Variants in CCDC43 observed in about 807,000 individuals in gnomAD.
CCDC43 encodes coiled-coil domain containing 43, also known as coiled-coil domain-containing protein 43.
In CCDC43, 20 loss-of-function variants were observed where a neutral mutation model predicts 33.3. That is an observed-to-expected ratio of 0.60 (90% CI 0.42 to 0.87). CCDC43 has a LOEUF of 0.87. CCDC43 is among the 40% of genes least tolerant of loss of function. CCDC43 has a pLI of 0.00. For synonymous variants in CCDC43, 104 were observed against 106.5 expected, an observed-to-expected ratio of 0.98 and a Z score of 0.14; for missense variants, 248 against 269.9, an observed-to-expected ratio of 0.92 and a Z score of 0.57.
intron 4 of CCDC43, among the ~76,000 whole-genome samples, chr17:44,679,712 G>A (rs1183734327): frequency 6.6e-6 from 1 of 152,014 alleles, no homozygotes; most frequent in Non-Finnish European, 1.5e-5. Flanking sequence ...GCTAACAGGT[G>A]AAACCCCGTC....
At chr17:44,679,628 C>T (rs1199725012) in intron 4 of CCDC43, among the ~76,000 whole-genome samples, 1 of 152,192 alleles carries the variant, frequency 6.6e-6, no homozygotes, top group Non-Finnish European at 1.5e-5. Flanking sequence ...GGCGCAGTGG[C>T]TCATGCCTGT....
intron 2 of CCDC43, among the ~76,000 whole-genome samples, chr17:44,683,180 G>T (rs983212991): frequency 1.3e-5 from 2 of 152,066 alleles, no homozygotes; most frequent in Non-Finnish European, 2.9e-5. Flanking sequence ...CATTTTAAAG[G>T]GTAAAGTGTT....
At chr17:44,685,724 C>T (rs902906483) in intron 1 of CCDC43, among the ~76,000 whole-genome samples, 5 of 152,170 alleles carry the variant, frequency 3.3e-5, no homozygotes, top group African/African-American at 1.2e-4. Flanking sequence ...AAGCATTTAC[C>T]ATGTGCCAGG....
In CCDC43 at chr17:44,682,045, G is replaced by A. The variant is rs1203880235; in HGVS notation, c.386C>T (p.Ala129Val). 6.2e-7 allele frequency: 1 copy of A among 1,613,930 alleles called. No homozygotes were observed. The highest frequency in any genetic ancestry group is 1.3e-5 in the African/African-American group (1 of 74,930). ...ATCAGCATACTGGGCCAGGAGGGCA[G>A]CTTTTCTCTGCTTCTCCTCTTCTGA... is the stretch of plus-strand genomic sequence containing the variant. ...MVSEEEKQRK[A>V]ALLAQYADVT... is the part of the protein sequence containing the mutation. The change falls in exon 3 of 5, where the codon GCT (alanine) becomes GTT (valine). Residue 129 changes from alanine (A) to valine (V), a missense_variant. Transcript: ENST00000315286.
At chr17:44,683,345 T>C (rs1406833894) in intron 2 of CCDC43, among the ~76,000 whole-genome samples, 2 of 151,934 alleles carry the variant, frequency 1.3e-5, no homozygotes, top group African/African-American at 4.8e-5. Context: ...CTGGTCAACA[T>C]GGTGAAATCC....
At chr17:44,684,328 G>A (rs1479329121) in intron 1 of CCDC43, among the ~76,000 whole-genome samples, 1 of 152,098 alleles carries the variant, frequency 6.6e-6, no homozygotes, top group Non-Finnish European at 1.5e-5. Context: ...CTCAATATAT[G>A]TTCACATTGT....
intron 2 of CCDC43, 144 bp from the exon 3 acceptor site, chr17:44,682,282 G>A: frequency 1.1e-6 from 1 of 932,240 alleles, no homozygotes; most frequent in Non-Finnish European, 1.6e-6. Flanking sequence ...ACATGGCTCG[G>A]GGGCCATTGA....
At chr17:44,682,328 T>C (rs558011029) in intron 2 of CCDC43, among the ~76,000 whole-genome samples, 190 bp from the exon 3 acceptor site, 2 of 149,224 alleles carry the variant, frequency 1.3e-5, no homozygotes, top group African/African-American at 4.9e-5. Context: ...CCAAGCTTTG[T>C]ATCCATCTTC....
intron 3 of CCDC43, among the ~76,000 whole-genome samples, chr17:44,681,424 C>T (rs1972160695): frequency 6.6e-6 from 1 of 152,134 alleles, no homozygotes; most frequent in Admixed American, 6.6e-5. Flanking sequence ...AGCGACGAAG[C>T]GAGACTCTGT....
intron 4 of CCDC43, 118 bp downstream of exon 4, chr17:44,680,467 G>A: frequency 1.4e-6 from 1 of 717,546 alleles, no homozygotes. Flanking sequence ...GGCTCCCAAT[G>A]TTAGCATGAC....
At chr17:44,687,244 A>T (rs1972251221) in intron 1 of CCDC43, among the ~76,000 whole-genome samples, 1 of 152,046 alleles carries the variant, frequency 6.6e-6, no homozygotes, top group Non-Finnish European at 1.5e-5. Flanking sequence ...GGAGTTTGAG[A>T]CCAGCCTGGT....
chr17:44,682,391 TAAAAA>T (rs67280453), intron 2 of CCDC43, among the ~76,000 whole-genome samples: 3 of 101,000 alleles, frequency 3.0e-5, no homozygotes, highest in Admixed American at 1.1e-4. Context: ...TCTGCTGCCT[TAAAAA>T]AAAAAAAAAA....
At position 44,682,029 on chromosome 17, in the gene CCDC43, C is replaced by A; in HGVS notation, c.402G>T (p.Gln134His). 4 of 1,614,046 alleles carry A rather than the reference C, an allele frequency of 2.5e-6. No homozygotes were observed. Among genetic ancestry groups the A allele is most frequent in the Non-Finnish European group, 3.4e-6 (4 of 1,179,900 alleles). Residue 134 changes from glutamine to histidine, a missense_variant, in exon 3 of 5, where the codon CAG (glutamine) becomes CAT (histidine). Coordinates refer to ENST00000315286, the MANE Select transcript of CCDC43 (RefSeq NM_144609.3). Reference sequence around the variant, plus strand: ...CCTCTTCATCTGTCACATCAGCATACTGGGCCAGGAGGGCAGCTTTTCTCT... The same window carrying A: ...CCTCTTCATCTGTCACATCAGCATAATGGGCCAGGAGGGCAGCTTTTCTCT... ...EKQRKAALLA[Q>H]YADVTDEEDE... is the part of the protein sequence containing the mutation.
chr17:44,681,167 G>A (rs1056515658), intron 3 of CCDC43, among the ~76,000 whole-genome samples: 60 of 152,222 alleles, frequency 3.9e-4, no homozygotes, highest in African/African-American at 1.3e-3. Flanking sequence ...GGCCAGGCGC[G>A]GTGGCTCACG....
chr17:44,687,429 T>C (rs1053021849), intron 1 of CCDC43, among the ~76,000 whole-genome samples: 90 of 148,216 alleles, frequency 6.1e-4, no homozygotes, highest in African/African-American at 2.0e-3. Context: ...GAGTGAGACT[T>C]TGTCTCAAAA....
intron 1 of CCDC43, among the ~76,000 whole-genome samples, chr17:44,686,568 C>T (rs1972240491): frequency 6.6e-6 from 1 of 152,226 alleles, no homozygotes; most frequent in Non-Finnish European, 1.5e-5. Flanking sequence ...TCCTCAGTCT[C>T]CTCATCCAAA....
rs777395567 is a variant in CCDC43 at position 44,679,047 on chromosome 17, C to T, written c.488-4G>A. On this transcript the variant is annotated splice_polypyrimidine_tract_variant and splice_region_variant and intron_variant, in intron 4 of 4. Transcript: ENST00000315286. The stretch of plus-strand genomic sequence containing the variant: ...ACATTGGTGTTTCGGAACAGAACTA[C>T]AGGTGAGTTAAGGGATTAGGGTACA... The T allele has an allele frequency of 1.2e-6, 2 of 1,612,340 alleles. No homozygotes were observed. The highest frequency in any genetic ancestry group is 1.7e-5 in the Admixed American group (1 of 59,942).
Position 44,689,466 on chromosome 17 carries a change from C to T in CCDC43, c.204+84G>A, listed in dbSNP as rs150534376. ...GTGAGACCACTGAGCCTCTGGGATACCCGGTAGGGGAGGGAGGGTGCAAAG... is the reference window on the plus strand; with the variant it reads ...GTGAGACCACTGAGCCTCTGGGATATCCGGTAGGGGAGGGAGGGTGCAAAG... On this transcript the variant is annotated intron_variant, in intron 1 of 4. Transcript: ENST00000315286. 189 of 1,568,418 alleles carry T rather than the reference C, an allele frequency of 1.2e-4. No homozygotes were observed. In the African/African-American group the frequency reaches 2.1e-3, roughly 18 times the overall value.
intron 2 of CCDC43, 54 bp downstream of exon 2, chr17:44,683,818 G>T: frequency 8.0e-7 from 1 of 1,250,100 alleles, no homozygotes; most frequent in Non-Finnish European, 1.2e-6. Flanking sequence ...CAGCTATACA[G>T]TCAAGGCTGC....
Sources: allele counts gnomAD v4.1 joint callset (sites outside exome capture counted in the v4.1 genomes callset), GRCh38; gene constraint gnomAD v4.1.1; transcripts MANE v1.5; gene names NCBI Gene and HGNC (gene_info 2026-07-23, HGNC 2026-07-21).